The following CRPPA variants were observed in gnomAD, a reference collection of about 807,000 sequenced individuals.
The protein encoded by CRPPA is D-ribitol-5-phosphate cytidylyltransferase.
Under a neutral mutation model 52.0 loss-of-function variants are expected in CRPPA, and 43 were observed. That is an observed-to-expected ratio of 0.83 (90% CI 0.65 to 1.07). The LOEUF is 1.07. Ranked by LOEUF, CRPPA falls within the 50% of genes least tolerant of loss-of-function variation. The pLI is 0.00. For synonymous variants in CRPPA, 250 were observed against 203.5 expected (o/e 1.23, Z -1.94); for missense variants, 629 against 551.7 (o/e 1.14, Z -1.40).
At chr7:16,343,257 T>C (rs1351632089) in intron 3 of CRPPA, among the ~76,000 whole-genome samples, 2 of 152,100 alleles carry the variant, frequency 1.3e-5, no homozygotes, top group Non-Finnish European at 2.9e-5. Flanking sequence ...CTAGGGGATG[T>C]TTATTCAGGT....
intron 2 of CRPPA, among the ~76,000 whole-genome samples, chr7:16,403,394 T>A (rs1787875612): frequency 6.6e-6 from 1 of 152,126 alleles, no homozygotes; most frequent in Admixed American, 6.6e-5. Context: ...CCAGTTTAAG[T>A]TTTTTTAATT....
At chr7:16,246,427 AC>A (rs1374751921) in intron 8 of CRPPA, among the ~76,000 whole-genome samples, 1 of 151,736 alleles carries the variant, frequency 6.6e-6, no homozygotes, top group African/African-American at 2.4e-5. Flanking sequence ...TTGGATTATG[AC>A]CCCCCATGAA....
Position 16,400,035 on chromosome 7 carries a change from T to C in CRPPA, c.534+6026A>G, listed in dbSNP as rs564017124. Among the ~76,000 whole-genome samples, 373 of 152,172 alleles carry C rather than the reference T, an allele frequency of 2.5e-3. 4 individuals are homozygous for C. The highest frequency in any genetic ancestry group is 8.5e-3 in the African/African-American group (352 of 41,522). On this transcript the variant is annotated intron_variant, in intron 2 of 9. Coordinates refer to ENST00000407010, the MANE Select transcript of CRPPA (RefSeq NM_001101426.4). The stretch of plus-strand genomic sequence containing the variant: ...ACTCGCGAATGACATGATTAGTACG[T>C]GACGAATACACAACACGTGATTGGC...
chr7:16,298,488 C>T (rs951448511), intron 5 of CRPPA, among the ~76,000 whole-genome samples: 12 of 152,146 alleles, frequency 7.9e-5, no homozygotes, highest in African/African-American at 2.9e-4. Flanking sequence ...ACATCAAGTT[C>T]TTGAAGAAAT....
At chr7:16,132,742 T>C (rs1782702957) in intron 9 of CRPPA, among the ~76,000 whole-genome samples, 1 of 124,974 alleles carries the variant, frequency 8.0e-6, no homozygotes, top group Non-Finnish European at 1.8e-5. Flanking sequence ...TTGGCAAACA[T>C]TGTAGCCTAG....
At position 16,089,427 on chromosome 7, in the gene CRPPA, A is replaced by G; in HGVS notation, c.*2268T>C. On this transcript the variant is annotated 3_prime_UTR_variant, in exon 10 of 10. Coordinates refer to ENST00000407010, the MANE Select transcript of CRPPA (RefSeq NM_001101426.4). ...TGTGTATATATGTACGTACATACAT[A>G]TATGTGTATATATGTACGTGCATAC... is the stretch of plus-strand genomic sequence containing the variant. 2 of 334,184 alleles carry G rather than the reference A, an allele frequency of 6.0e-6. No individual in the cohort carries two copies. 20.7% of individuals were successfully genotyped at this position (334,184 alleles called of 1,614,324 possible).
At chr7:16,130,912 A>T (rs1054528780) in intron 9 of CRPPA, among the ~76,000 whole-genome samples, 1 of 152,136 alleles carries the variant, frequency 6.6e-6, no homozygotes, top group African/African-American at 2.4e-5. Flanking sequence ...GTGCCCTTAT[A>T]CAAGTGACCC....
At chr7:16,409,027 A>T (rs1244834019) in intron 1 of CRPPA, among the ~76,000 whole-genome samples, 1 of 152,128 alleles carries the variant, frequency 6.6e-6, no homozygotes, top group African/African-American at 2.4e-5. Context: ...TCAGCCTCCC[A>T]AGTAGCTGGG....
chr7:16,168,196 T>G (rs1781106081), intron 9 of CRPPA, among the ~76,000 whole-genome samples: 1 of 152,218 alleles, frequency 6.6e-6, no homozygotes, highest in Admixed American at 6.5e-5. Flanking sequence ...CAATATTTCC[T>G]TTGTGTGAAC....
intron 9 of CRPPA, among the ~76,000 whole-genome samples, chr7:16,158,583 A>G (rs1783236322): frequency 6.6e-6 from 1 of 152,188 alleles, no homozygotes; most frequent in Non-Finnish European, 1.5e-5. Context: ...AAAAGATGCT[A>G]TATGAACTTC....
At chr7:16,152,213 G>A (rs1282048087) in intron 9 of CRPPA, among the ~76,000 whole-genome samples, 1 of 151,974 alleles carries the variant, frequency 6.6e-6, no homozygotes. Flanking sequence ...AAGCAGATAA[G>A]TATTTTACAA....
chr7:16,184,854 C>T (rs1329265405), intron 9 of CRPPA, among the ~76,000 whole-genome samples: 1 of 152,058 alleles, frequency 6.6e-6, no homozygotes, highest in Non-Finnish European at 1.5e-5. Flanking sequence ...TCATAATCGT[C>T]GTTAGTGATT....
At chr7:16,275,384 T>C (rs544537609) in intron 6 of CRPPA, among the ~76,000 whole-genome samples, 26 of 152,270 alleles carry the variant, frequency 1.7e-4, no homozygotes, top group South Asian at 1.0e-3. Flanking sequence ...AGCACCGTAG[T>C]ATGTTAAAGC....
chr7:16,166,097 A>T (rs191337658), intron 9 of CRPPA, among the ~76,000 whole-genome samples: 43 of 152,324 alleles, frequency 2.8e-4, no homozygotes, highest in African/African-American at 9.9e-4. Context: ...GTTGGTACAC[A>T]AAGTCAAACC....
intron 3 of CRPPA, among the ~76,000 whole-genome samples, chr7:16,362,223 C>A (rs556453605): frequency 1.2e-4 from 18 of 152,248 alleles, no homozygotes; most frequent in African/African-American, 4.1e-4. Context: ...TACCACAGAC[C>A]GGGTAGTTTA....
At chr7:16,094,489 CA>C (rs1013077870) in intron 9 of CRPPA, among the ~76,000 whole-genome samples, 9 of 151,682 alleles carry the variant, frequency 5.9e-5, no homozygotes, top group East Asian at 1.9e-4. Context: ...AGCAAACATA[CA>C]AAAAAAATGG....
chr7:16,122,166 T>C (rs1304568506), intron 9 of CRPPA, among the ~76,000 whole-genome samples: 1 of 152,092 alleles, frequency 6.6e-6, no homozygotes, highest in African/African-American at 2.4e-5. Flanking sequence ...ATAATTTAGC[T>C]GTTATATAGA....
chr7:16,178,803 T>TA (rs5882559), intron 9 of CRPPA, among the ~76,000 whole-genome samples: 54,460 of 151,854 alleles, frequency 0.36, 11,067 homozygotes, highest in East Asian at 0.62. Context: ...AAGCATTTTT[T>TA]AAAAGATAAA....
intron 6 of CRPPA, chr7:16,277,411 T>TAA (rs1046408429): frequency 5.9e-5 from 9 of 151,852 alleles, no homozygotes; most frequent in African/African-American, 2.2e-4. Flanking sequence ...AATCAACTTT[T>TAA]ACCCTCTACT....
Sources: gnomAD v4.1 joint callset for allele counts (sites outside exome capture counted in the v4.1 genomes callset) on GRCh38, gnomAD v4.1.1 for gene constraint, MANE v1.5 for transcripts, NCBI Gene and HGNC (gene_info 2026-07-23, HGNC 2026-07-21) for gene names.